LHFPL3: variants seen among roughly 807,000 people sequenced by gnomAD.
LHFPL3 encodes the protein LHFPL tetraspan subfamily member 3 protein.
LHFPL3 carries 5 observed loss-of-function variants against 19.3 expected under a neutral mutation model. The ratio of observed to expected loss-of-function variants is 0.26; its 90% confidence interval spans 0.14 to 0.54. LHFPL3 has a LOEUF of 0.54. Among genes scored for constraint, LHFPL3 ranks in the 20% least tolerant of loss-of-function variants. The pLI, the probability that LHFPL3 is intolerant of heterozygous loss-of-function variation, is 0.94. For synonymous variants in LHFPL3, 133 were observed against 126.2 expected (o/e 1.05, Z -0.36); for missense variants, 249 against 307.4 (o/e 0.81, Z 1.42).
intron 1 of LHFPL3, among the ~76,000 whole-genome samples, chr7:104,392,203 C>A (rs1432774396): frequency 6.6e-6 from 1 of 151,758 alleles, no homozygotes; most frequent in African/African-American, 2.4e-5. Flanking sequence ...ATTGCCCTGG[C>A]CAGAACTTCC....
At chr7:104,499,547 A>T (rs1793557800) in intron 1 of LHFPL3, among the ~76,000 whole-genome samples, 1 of 152,204 alleles carries the variant, frequency 6.6e-6, no homozygotes. Context: ...CATGACTCAG[A>T]GACCTTTGGA....
At chr7:104,497,183 A>G (rs1793498494) in intron 1 of LHFPL3, among the ~76,000 whole-genome samples, 1 of 151,912 alleles carries the variant, frequency 6.6e-6, no homozygotes, top group Non-Finnish European at 1.5e-5. Flanking sequence ...AAAAAAAAGC[A>G]TTCTTCCCAG....
chr7:104,595,715 G>T lies in LHFPL3; in HGVS notation c.446-140960G>T, dbSNP rs576271700. 6.6e-4 allele frequency among the ~76,000 whole-genome samples: 101 copies of T among 152,334 alleles called. 1 individual carries two copies. The highest frequency in any genetic ancestry group is 2.3e-3 in the African/African-American group (96 of 41,576). The stretch of plus-strand genomic sequence containing the variant: ...GCCTTGTTGAGCTGTGGTGGGCTCC[G>T]CCCAGTTCGAGCTTCTTGGCCGCTT... On this transcript the variant is annotated intron_variant, in intron 1 of 2. Coordinates refer to ENST00000424859, the MANE Select transcript of LHFPL3 (RefSeq NM_199000.3).
At chr7:104,457,365 C>T (rs953292367) in intron 1 of LHFPL3, among the ~76,000 whole-genome samples, 10 of 146,828 alleles carry the variant, frequency 6.8e-5, no homozygotes, top group Admixed American at 1.4e-4. Flanking sequence ...TGAGAAAATA[C>T]GGTGTTTGCT....
intron 1 of LHFPL3, among the ~76,000 whole-genome samples, chr7:104,446,227 C>T (rs985766688): frequency 6.6e-6 from 1 of 152,084 alleles, no homozygotes; most frequent in Non-Finnish European, 1.5e-5. Flanking sequence ...ATTTTCTGCC[C>T]TTTGATCATT....
At chr7:104,375,182 T>A (rs1288663793) in intron 1 of LHFPL3, among the ~76,000 whole-genome samples, 2 of 151,746 alleles carry the variant, frequency 1.3e-5, no homozygotes, top group East Asian at 3.9e-4. Flanking sequence ...CTACTGAAAA[T>A]ACAAAAATTA....
intron 1 of LHFPL3, among the ~76,000 whole-genome samples, chr7:104,681,673 T>C (rs1224898940): frequency 6.6e-6 from 1 of 152,040 alleles, no homozygotes; most frequent in Non-Finnish European, 1.5e-5. Flanking sequence ...TTATCAAATT[T>C]AATCCCCCAG....
At chr7:104,392,320 G>T (rs1285473589) in intron 1 of LHFPL3, among the ~76,000 whole-genome samples, 1 of 150,780 alleles carries the variant, frequency 6.6e-6, no homozygotes, top group Non-Finnish European at 1.5e-5. Flanking sequence ...TTGGCTGTGG[G>T]TTTGTCATAG....
chr7:104,753,835 CAG>C (rs1794224601), intron 2 of LHFPL3, among the ~76,000 whole-genome samples: 2 of 152,190 alleles, frequency 1.3e-5, no homozygotes, highest in Non-Finnish European at 2.9e-5. Flanking sequence ...CAAGTTAAAA[CAG>C]TGAGTTATCG....
chr7:104,573,745 AGGT>A (rs1300859501), intron 1 of LHFPL3, among the ~76,000 whole-genome samples: 5 of 152,204 alleles, frequency 3.3e-5, no homozygotes, highest in Non-Finnish European at 5.9e-5. Context: ...CCTGATAAAC[AGGT>A]GGTTAGTGAG....
intron 1 of LHFPL3, among the ~76,000 whole-genome samples, chr7:104,475,323 C>T (rs934292960): frequency 2.0e-5 from 3 of 151,708 alleles, no homozygotes; most frequent in African/African-American, 7.3e-5. Context: ...ATCCCTTATC[C>T]CTGTCTTGGT....
chr7:104,816,110 G>A (rs149163529), intron 2 of LHFPL3, among the ~76,000 whole-genome samples: 1 of 152,216 alleles, frequency 6.6e-6, no homozygotes, highest in African/African-American at 2.4e-5. Flanking sequence ...TCAAGATGAA[G>A]ATCCCATCCC....
At chr7:104,561,109 G>T (rs140621394) in intron 1 of LHFPL3, among the ~76,000 whole-genome samples, 4,688 of 152,114 alleles carry the variant, frequency 0.031, 244 homozygotes, top group African/African-American at 0.11. Flanking sequence ...CCAGTATGTG[G>T]TCAATTTTGG....
chr7:104,656,818 A>G (rs1371169579), intron 1 of LHFPL3, among the ~76,000 whole-genome samples: 1 of 152,198 alleles, frequency 6.6e-6, no homozygotes, highest in Admixed American at 6.5e-5. Flanking sequence ...TTAACACATT[A>G]TGTGGACAGT....
intron 2 of LHFPL3, among the ~76,000 whole-genome samples, chr7:104,876,772 C>T (rs1791951407): frequency 6.6e-6 from 1 of 152,136 alleles, no homozygotes; most frequent in Non-Finnish European, 1.5e-5. Flanking sequence ...CATCCCATTA[C>T]TGGGTATATA....
intron 1 of LHFPL3, among the ~76,000 whole-genome samples, chr7:104,579,485 T>A (rs1445321710): frequency 6.6e-6 from 1 of 152,210 alleles, no homozygotes; most frequent in Non-Finnish European, 1.5e-5. Context: ...CAGCAAAGAA[T>A]ATGGTTTCAT....
In LHFPL3 at chr7:104,399,784, G is replaced by T. The variant is rs191773534; in HGVS notation, c.445+70560G>T. Reference sequence around the variant, plus strand: ...ACTGCGCCCGGCCATATGTTCTTCTGTCCTTAAGGTAATTATGTTACCATG... The same window carrying T: ...ACTGCGCCCGGCCATATGTTCTTCTTTCCTTAAGGTAATTATGTTACCATG... On this transcript the variant is annotated intron_variant, in intron 1 of 2. Transcript: ENST00000424859. The surrounding 1 kb of genome is among the most constrained non-coding windows in gnomAD (Gnocchi z 4.4). Among the ~76,000 whole-genome samples, 73 of 151,436 alleles carry T rather than the reference G, an allele frequency of 4.8e-4. No individual in the cohort carries two copies. Among genetic ancestry groups the T allele is most frequent in the African/African-American group, 1.5e-3 (63 of 41,306 alleles).
intron 1 of LHFPL3, among the ~76,000 whole-genome samples, chr7:104,593,608 C>G (rs959280945): frequency 2.0e-5 from 3 of 152,108 alleles, no homozygotes; most frequent in Non-Finnish European, 4.4e-5. Flanking sequence ...AACCTTCTGT[C>G]TTGTTGATCT....
chr7:104,458,727 A>T (rs1792598591), intron 1 of LHFPL3, among the ~76,000 whole-genome samples: 1 of 138,682 alleles, frequency 7.2e-6, no homozygotes, highest in Admixed American at 6.9e-5. Context: ...TTCTTTCTTA[A>T]AAAAAAAAAA....
Sources: gnomAD v4.1 joint callset for allele counts (sites outside exome capture counted in the v4.1 genomes callset) on GRCh38, gnomAD v4.1.1 for gene constraint, Gnocchi (gnomAD v3.1) non-coding constraint, MANE v1.5 for transcripts, NCBI Gene and HGNC (gene_info 2026-07-23, HGNC 2026-07-21) for gene names.